Variants in VXN observed in about 807,000 individuals in gnomAD.
VXN encodes uncharacterized protein C8orf46.
A neutral mutation model predicts 23.1 loss-of-function variants in VXN; 7 were observed. The observed-to-expected ratio is 0.30, with a 90% CI of 0.17 to 0.57. VXN has a LOEUF of 0.57. VXN is among the 20% of genes least tolerant of loss of function. VXN has a pLI of 0.91. For synonymous variants in VXN, 120 were observed against 105.8 expected (o/e 1.13, Z -0.83); for missense variants, 238 against 272.6 (o/e 0.87, Z 0.89).
At chr8:66,510,012 G>A in intron 3 of VXN, 84 bp from the exon 4 acceptor site, 2 of 1,319,342 alleles carry the variant, frequency 1.5e-6, no homozygotes, top group Non-Finnish European at 2.2e-6. Flanking sequence ...TGGTTGATTG[G>A]CTAACAAGGT....
chr8:66,506,196 A>T (rs1807755010), intron 3 of VXN, among the ~76,000 whole-genome samples: 1 of 150,764 alleles, frequency 6.6e-6, no homozygotes, highest in African/African-American at 2.5e-5. Context: ...AGGATCACAT[A>T]ATTTATTTAA....
chr8:66,496,391 C>G (rs897667968), intron 1 of VXN, 46 bp from the exon 2 acceptor site: 2 of 1,578,254 alleles, frequency 1.3e-6, no homozygotes. Flanking sequence ...CTATGTCAGC[C>G]TCGCTGATGT....
rs566232688 is a variant in VXN, at chr8:66,518,020, A to G, written c.*1944A>G. 15 of 152,368 alleles carry G rather than the reference A, an allele frequency of 9.8e-5. 1 individual carries two copies. The highest frequency in any genetic ancestry group is 4.1e-4 in the South Asian group (2 of 4,826). The allele number at this position is 152,368 out of a possible 1,614,324, so 9.4% of individuals were successfully genotyped here. A position where few individuals can be genotyped will look rare whatever the true frequency, so the allele number is the denominator to read the frequency against. ...TTTAGACTCTGAACACCAGATCCTC[A>G]TATCTGAAAGTGATTTGGAGACCTG... On this transcript the variant is annotated 3_prime_UTR_variant, in exon 6 of 6. Coordinates refer to ENST00000305454, the MANE Select transcript of VXN (RefSeq NM_152765.4).
chr8:66,495,481 A>G (rs1299286635), intron 1 of VXN, among the ~76,000 whole-genome samples: 2 of 152,236 alleles, frequency 1.3e-5, no homozygotes, highest in Admixed American at 1.3e-4. Flanking sequence ...GTAAATATAT[A>G]AAGCATCTAG....
intron 4 of VXN, among the ~76,000 whole-genome samples, chr8:66,512,148 G>A (rs1055692698): frequency 6.6e-6 from 1 of 152,052 alleles, no homozygotes; most frequent in African/African-American, 2.4e-5. Context: ...GTGGGGCTAG[G>A]GTCTCACAGC....
Position 66,510,110 on chromosome 8 carries a change from C to T in VXN, c.295C>T (p.Pro99Ser). The part of the protein sequence containing the change: ...ASARPVGISE[P>S]KTSNLCGNRA... ...CAACATTGCAGTGGGGATTTCTGAACCCAAAACATCAAATCTGTGTGGGAA... is the reference window on the plus strand; with the variant it reads ...CAACATTGCAGTGGGGATTTCTGAATCCAAAACATCAAATCTGTGTGGGAA... Residue 99 changes from proline (P) to serine (S), a missense_variant, in exon 4 of 6, where the codon CCC becomes TCC. Transcript: ENST00000305454. The T allele has an allele frequency of 6.2e-7, 1 of 1,613,812 alleles. No individual in the cohort carries two copies. Among genetic ancestry groups the T allele is most frequent in the Non-Finnish European group, 8.5e-7 (1 of 1,179,858 alleles).
At chr8:66,506,231 CAGTG>C (rs1807756809) in intron 3 of VXN, among the ~76,000 whole-genome samples, 1 of 84,788 alleles carries the variant, frequency 1.2e-5, no homozygotes, top group South Asian at 3.8e-4. Context: ...GAGAGAGAGA[CAGTG>C]TGTGTGTGTG....
chr8:66,501,950 G>A (rs1448108187), intron 2 of VXN, among the ~76,000 whole-genome samples: 1 of 152,286 alleles, frequency 6.6e-6, no homozygotes, highest in East Asian at 1.9e-4. Context: ...TTTTGCAACT[G>A]TACCATATTT....
Position 66,516,247 on chromosome 8 carries a change from C to A in VXN, c.*171C>A. 9.9e-6 allele frequency: 5 copies of A among 503,878 alleles called. No individual in the cohort carries two copies. Among genetic ancestry groups the A allele is most frequent in the Non-Finnish European group, 1.6e-5 (5 of 305,416 alleles). 31.2% of individuals were successfully genotyped at this position (503,878 alleles called of 1,614,324 possible). ...TAGGGCACAGGAAAGAAATGTCCCTCGAAGGCAATATAAAACTGCCCCTTC... is the reference window on the plus strand; with the variant it reads ...TAGGGCACAGGAAAGAAATGTCCCTAGAAGGCAATATAAAACTGCCCCTTC... On this transcript the variant is annotated 3_prime_UTR_variant, in exon 6 of 6. Transcript: ENST00000305454.
chr8:66,505,570 G>A (rs949178611), intron 3 of VXN, 42 bp downstream of exon 3: 2 of 1,442,852 alleles, frequency 1.4e-6, no homozygotes, highest in Non-Finnish European at 1.8e-6. Context: ...CTCCCTGGGC[G>A]CAGAGACCCA....
chr8:66,504,003 G>A (rs1395125066), intron 2 of VXN, among the ~76,000 whole-genome samples: 1 of 152,180 alleles, frequency 6.6e-6, no homozygotes, highest in Non-Finnish European at 1.5e-5. Context: ...TGGTGGGCTG[G>A]AGAAGAGGAG....
intron 5 of VXN, among the ~76,000 whole-genome samples, chr8:66,514,516 A>T (rs1186271791): frequency 6.6e-6 from 1 of 152,056 alleles, no homozygotes; most frequent in Non-Finnish European, 1.5e-5. Flanking sequence ...GCTCACTGCA[A>T]CCTCTACCTC....
rs1563510609 is a variant in VXN at position 66,516,335 on chromosome 8, A to G, written c.*259A>G. ...GGGAGGTCATAAAGTTTGTATCTCTATCTTTAAGCAAAAAATTAAACTTTC... is the reference window on the plus strand; with the variant it reads ...GGGAGGTCATAAAGTTTGTATCTCTGTCTTTAAGCAAAAAATTAAACTTTC... On this transcript the variant is annotated 3_prime_UTR_variant, in exon 6 of 6. Transcript: ENST00000305454. 2 of 293,362 alleles carry G rather than the reference A, an allele frequency of 6.8e-6. No homozygotes were observed. The highest frequency in any genetic ancestry group is 2.2e-5 in the African/African-American group (1 of 46,060). The allele number at this position is 293,362 out of a possible 1,614,324, so 18.2% of individuals were successfully genotyped here.
At chr8:66,500,786 G>C (rs1272629164) in intron 2 of VXN, among the ~76,000 whole-genome samples, 1 of 151,182 alleles carries the variant, frequency 6.6e-6, no homozygotes, top group East Asian at 1.9e-4. Flanking sequence ...GTAGTGTATA[G>C]TTTTCAGTTT....
At chr8:66,496,631 C>T (rs893698924) in intron 2 of VXN, 139 bp downstream of exon 2, 23 of 733,602 alleles carry the variant, frequency 3.1e-5, no homozygotes, top group Non-Finnish European at 5.3e-5. Flanking sequence ...CTGCACTCTC[C>T]GTTCTCCACT....
At chr8:66,508,106 G>C (rs981468152) in intron 3 of VXN, among the ~76,000 whole-genome samples, 3 of 152,036 alleles carry the variant, frequency 2.0e-5, no homozygotes, top group African/African-American at 7.2e-5. Flanking sequence ...GAACCAACTT[G>C]TTCAAGCCTT....
At chr8:66,510,012 G>T (rs1807803644) in intron 3 of VXN, 84 bp from the exon 4 acceptor site, 1 of 1,319,342 alleles carries the variant, frequency 7.6e-7, no homozygotes. Flanking sequence ...TGGTTGATTG[G>T]CTAACAAGGT....
At position 66,516,338 on chromosome 8, in the gene VXN, T is replaced by G. The variant is rs1563510612; in HGVS notation, c.*262T>G. ...AGGTCATAAAGTTTGTATCTCTATC[T>G]TTAAGCAAAAAATTAAACTTTCCCA... On this transcript the variant is annotated 3_prime_UTR_variant, in exon 6 of 6. Coordinates refer to ENST00000305454, the MANE Select transcript of VXN (RefSeq NM_152765.4). 3.5e-6 allele frequency: 1 copy of G among 286,268 alleles called. No individual in the cohort carries two copies. The highest frequency in any genetic ancestry group is 6.4e-6 in the Non-Finnish European group (1 of 156,028). 17.7% of individuals were successfully genotyped at this position (286,268 alleles called of 1,614,324 possible). A position where few individuals can be genotyped will look rare whatever the true frequency, so the allele number is the denominator to read the frequency against.
intron 5 of VXN, among the ~76,000 whole-genome samples, chr8:66,515,631 C>T (rs1044975320): frequency 3.3e-5 from 5 of 152,114 alleles, no homozygotes; most frequent in Non-Finnish European, 7.4e-5. Context: ...AAGACCAGAC[C>T]CAGAGCAGGG....
Sources: gnomAD v4.1 joint callset for allele counts (sites outside exome capture counted in the v4.1 genomes callset) on GRCh38, gnomAD v4.1.1 for gene constraint, MANE v1.5 for transcripts, NCBI Gene and HGNC (gene_info 2026-07-23, HGNC 2026-07-21) for gene names.